Variants in PIWIL2 observed in about 807,000 individuals in gnomAD.
PIWIL2 encodes the protein piwi-like protein 2.
PIWIL2 carries 81 observed loss-of-function variants against 116.5 expected under a neutral mutation model. That is an observed-to-expected ratio of 0.70 (90% confidence interval 0.58 to 0.84). The LOEUF (loss-of-function observed/expected upper bound fraction) is 0.84. Ranked by LOEUF, PIWIL2 falls within the 40% of genes least tolerant of loss-of-function variation. PIWIL2 has a pLI of 0.00. For synonymous variants in PIWIL2, 489 were observed against 429.5 expected (o/e 1.14, Z -1.71); for missense variants, 1,272 against 1,212.3 (o/e 1.05, Z -0.73).
At chr8:22,317,722 C>T (rs1438155841) in intron 19 of PIWIL2, among the ~76,000 whole-genome samples, 1 of 152,048 alleles carries the variant, frequency 6.6e-6, no homozygotes. Context: ...TGCAATGGCA[C>T]AGTCTCAGCT....
At chr8:22,337,905 C>G (rs1309503385) in intron 20 of PIWIL2, among the ~76,000 whole-genome samples, 1 of 151,796 alleles carries the variant, frequency 6.6e-6, no homozygotes, top group East Asian at 1.9e-4. Context: ...ACCAGCCTCG[C>G]CAACATGGCA....
In PIWIL2 at chr8:22,357,113, AT is replaced by A. The variant is rs1832505056; in HGVS notation, c.*1610del. 1 of 152,240 alleles carries A rather than the reference AT, an allele frequency of 6.6e-6. No homozygotes were observed. Among genetic ancestry groups the A allele is most frequent in the African/African-American group, 2.4e-5 (1 of 41,466 alleles). 9.4% of individuals were successfully genotyped at this position (152,240 alleles called of 1,614,324 possible). ...TCACTTCAGCAGCACATATACTAAA[AT>A]TAAAATGATATAGAGAAGATTAGCA... is the stretch of plus-strand genomic sequence containing the variant. On this transcript the variant is annotated 3_prime_UTR_variant, in exon 23 of 23. Coordinates refer to ENST00000356766, the MANE Select transcript of PIWIL2 (RefSeq NM_018068.5).
intron 20 of PIWIL2, among the ~76,000 whole-genome samples, chr8:22,331,384 T>G (rs961142795): frequency 1.1e-4 from 16 of 151,856 alleles, no homozygotes; most frequent in Non-Finnish European, 1.8e-4. Context: ...TTCTATTTTA[T>G]TTTCTTTAAT....
intron 10 of PIWIL2, among the ~76,000 whole-genome samples, chr8:22,290,820 A>G (rs754781363): frequency 2.6e-5 from 4 of 151,908 alleles, no homozygotes; most frequent in African/African-American, 4.8e-5. Flanking sequence ...TCCTCCTGAG[A>G]TAAGCATCTG....
chr8:22,317,863 G>C (rs574737681), intron 19 of PIWIL2, among the ~76,000 whole-genome samples: 2 of 151,962 alleles, frequency 1.3e-5, no homozygotes, highest in South Asian at 4.2e-4. Flanking sequence ...GGGTTTCACC[G>C]TGTTAGCCAG....
At chr8:22,350,969 CA>C (rs1450257933) in intron 20 of PIWIL2, among the ~76,000 whole-genome samples, 1 of 152,076 alleles carries the variant, frequency 6.6e-6, no homozygotes, top group Non-Finnish European at 1.5e-5. Flanking sequence ...GGCAAAACCC[CA>C]TCTCTACTAA....
intron 14 of PIWIL2, among the ~76,000 whole-genome samples, chr8:22,309,592 G>A (rs1831276044): frequency 6.6e-6 from 1 of 152,194 alleles, no homozygotes. Context: ...GCCCTCCTCG[G>A]CCTCCCAAAG....
Position 22,304,802 on chromosome 8 carries a change from A to G in PIWIL2, c.1389A>G (p.Thr463=). The change falls in exon 12 of 23, where the codon ACA becomes ACG. Residue 463 remains threonine (T), a synonymous_variant. Coordinates refer to ENST00000356766, the MANE Select transcript of PIWIL2 (RefSeq NM_018068.5). ...LEYYSKNYGI[T]VKEEDQPLLI... is the part of the protein sequence containing the mutation. Reference sequence around the variant, plus strand: ...GCTCTAGCAAAAATTATGGGATCACAGTTAAGGAAGAGGACCAGCCATTGC... The same window carrying G: ...GCTCTAGCAAAAATTATGGGATCACGGTTAAGGAAGAGGACCAGCCATTGC... 1.2e-6 allele frequency: 2 copies of G among 1,613,300 alleles called. No individual in the cohort carries two copies. Among genetic ancestry groups the G allele is most frequent in the Non-Finnish European group, 8.5e-7 (1 of 1,179,260 alleles).
intron 19 of PIWIL2, 40 bp from the exon 20 acceptor site, chr8:22,318,130 C>A: frequency 2.3e-6 from 3 of 1,293,502 alleles, no homozygotes; most frequent in Non-Finnish European, 3.4e-6. Context: ...AGCATTTGTT[C>A]ATCTTCCTTT....
chr8:22,344,171 G>C (rs986442913), intron 20 of PIWIL2, among the ~76,000 whole-genome samples: 1 of 152,190 alleles, frequency 6.6e-6, no homozygotes, highest in African/African-American at 2.4e-5. Context: ...GCATTCTAGA[G>C]AATGCATAAA....
At chr8:22,353,541 G>C (rs192196886) in intron 21 of PIWIL2, among the ~76,000 whole-genome samples, 3 of 151,998 alleles carry the variant, frequency 2.0e-5, no homozygotes, top group Admixed American at 1.3e-4. Context: ...CCAGCTACTC[G>C]GGAGGCTGAG....
chr8:22,330,697 AAAATAAATAAAT>A lies in PIWIL2; in HGVS notation c.2403+12458_2403+12469del, dbSNP rs3992768. Among the ~76,000 whole-genome samples the A allele has an allele frequency of 6.4e-3, 872 of 137,154 alleles. 15 individuals are homozygous for A. The highest frequency in any genetic ancestry group is 0.018 in the African/African-American group (679 of 38,238). The allele number at this position is 137,154 out of a possible 152,430, so 90.0% of individuals were successfully genotyped here. On this transcript the variant is annotated intron_variant, in intron 20 of 22. Coordinates refer to ENST00000356766, the MANE Select transcript of PIWIL2 (RefSeq NM_018068.5). ...GGGCAACAGAGTGAGACTCTGTCTC[AAAATAAATAAAT>A]AAATAAATAAATAAATAAATAAATA...
chr8:22,344,867 C>G (rs1352342311), intron 20 of PIWIL2, among the ~76,000 whole-genome samples: 3 of 151,948 alleles, frequency 2.0e-5, no homozygotes, highest in Non-Finnish European at 2.9e-5. Flanking sequence ...CAGAGTAAGA[C>G]CCTTTTAAAG....
rs375229150 is a variant in PIWIL2 at position 22,355,854 on chromosome 8, A to G, written c.*349A>G. Reference sequence around the variant, plus strand: ...TTTGGGAGGCCGAGGCGGGTGGATCATGAGGTCAGGAGATCAAGACCATCC... The same window carrying G: ...TTTGGGAGGCCGAGGCGGGTGGATCGTGAGGTCAGGAGATCAAGACCATCC... On this transcript the variant is annotated 3_prime_UTR_variant, in exon 23 of 23. Coordinates refer to ENST00000356766, the MANE Select transcript of PIWIL2 (RefSeq NM_018068.5). 2.3e-4 allele frequency: 55 copies of G among 241,806 alleles called. 2 individuals carry two copies. The South Asian group carries it at 3.3e-3, about 15-fold the overall frequency. The allele number at this position is 241,806 out of a possible 1,614,324, so 15.0% of individuals were successfully genotyped here.
chr8:22,316,484 T>G, intron 19 of PIWIL2, 151 bp downstream of exon 19: 38 of 546,066 alleles, frequency 7.0e-5, no homozygotes, highest in Non-Finnish European at 9.8e-5. Flanking sequence ...ATTTTTTTTT[T>G]CGGGGGGGAG....
At chr8:22,296,020 CTTTTTTTTTTTTTTTTTTTTTTTT>C (rs67357452) in intron 10 of PIWIL2, among the ~76,000 whole-genome samples, 21 of 102,838 alleles carry the variant, frequency 2.0e-4, no homozygotes, top group Admixed American at 4.1e-4. Flanking sequence ...CTCTTCCCTT[CTTTTTTTTTTTTTTTTTTTTTTTT>C]TTTTTTTTTT....
intron 18 of PIWIL2, among the ~76,000 whole-genome samples, chr8:22,315,845 T>C (rs1390517142): frequency 1.3e-5 from 2 of 152,236 alleles, no homozygotes; most frequent in African/African-American, 4.8e-5. Context: ...TTTTGGATTT[T>C]AGATTTCTGG....
intron 7 of PIWIL2, 44 bp downstream of exon 7, chr8:22,287,689 T>G (rs773791443): frequency 1.9e-5 from 23 of 1,221,002 alleles, no homozygotes; most frequent in South Asian, 3.6e-5. Context: ...ACCCTAAGAG[T>G]GCTCTGGCGT....
At chr8:22,278,173 A>G (rs767920964) in intron 1 of PIWIL2, among the ~76,000 whole-genome samples, 5 of 151,642 alleles carry the variant, frequency 3.3e-5, no homozygotes, top group Non-Finnish European at 7.4e-5. Context: ...CGTCTAAAAA[A>G]AAAAGGGGGG....
Sources: allele counts gnomAD v4.1 joint callset (sites outside exome capture counted in the v4.1 genomes callset), GRCh38; gene constraint gnomAD v4.1.1; transcripts MANE v1.5; gene names NCBI Gene and HGNC (gene_info 2026-07-23, HGNC 2026-07-21).